The following SENP7 variants were observed in gnomAD, a reference collection of about 807,000 sequenced individuals.
SENP7 encodes sentrin-specific protease 7.
In SENP7, 64 loss-of-function variants were observed where a neutral mutation model predicts 141.2. The observed-to-expected ratio is 0.45, with a 90% confidence interval of 0.37 to 0.56. The LOEUF (loss-of-function observed/expected upper bound fraction) is 0.56, where lower values mean the gene tolerates loss of function less well. SENP7 is among the 20% of genes least tolerant of loss of function. The probability of loss-of-function intolerance (pLI) is 0.00; values close to 1 mark genes in which losing one functional copy is unlikely to be tolerated. For missense variants in SENP7, 1,025 were observed against 1,212.2 expected, an observed-to-expected ratio of 0.85 and a Z score of 2.29; for synonymous variants, 382 against 426.4, an observed-to-expected ratio of 0.90 and a Z score of 1.28.
chr3:101,458,290 TTG>T lies in SENP7; in HGVS notation c.284+663_284+664del, dbSNP rs2063425838. Among the ~76,000 whole-genome samples, 3 of 152,346 alleles carry T rather than the reference TTG, an allele frequency of 2.0e-5. No homozygotes were observed. In the East Asian group the frequency reaches 5.8e-4, roughly 29 times the overall value. On this transcript the variant is annotated intron_variant, in intron 4 of 23. Transcript: ENST00000394095. ...AAGGACCCCAATGAGTCTTCTAAAT[TTG>T]TGTGACTTTCCAATAATTATAATTT...
chr3:101,338,930 T>C (rs1220223246), intron 16 of SENP7, among the ~76,000 whole-genome samples: 1 of 152,114 alleles, frequency 6.6e-6, no homozygotes, highest in Non-Finnish European at 1.5e-5. Flanking sequence ...CAAGCATATT[T>C]ATAAATACAA....
chr3:101,468,754 A>T (rs1334041017), intron 3 of SENP7, among the ~76,000 whole-genome samples: 1 of 152,242 alleles, frequency 6.6e-6, no homozygotes, highest in Admixed American at 6.5e-5. Flanking sequence ...CTGCAAAAAC[A>T]TGCCAAATTG....
intron 5 of SENP7, among the ~76,000 whole-genome samples, chr3:101,406,565 A>G (rs1156827866): frequency 1.3e-5 from 2 of 152,058 alleles, no homozygotes; most frequent in African/African-American, 4.8e-5. Flanking sequence ...CATGTACCCT[A>G]AAACTTAAAG....
At chr3:101,351,088 T>C (rs561349798) in intron 12 of SENP7, among the ~76,000 whole-genome samples, 2 of 151,980 alleles carry the variant, frequency 1.3e-5, no homozygotes, top group Non-Finnish European at 2.9e-5. Context: ...GAATTCATTA[T>C]ATAAATAGAT....
rs1215345709 is a variant in SENP7 at position 101,325,014 on chromosome 3, T to A, written c.*929A>T. 6.6e-6 allele frequency: 1 copy of A among 152,002 alleles called. No homozygotes were observed. Among genetic ancestry groups the A allele is most frequent in the African/African-American group, 2.4e-5 (1 of 41,428 alleles). The allele number at this position is 152,002 out of a possible 1,614,324, so 9.4% of individuals were successfully genotyped here. On this transcript the variant is annotated 3_prime_UTR_variant, in exon 24 of 24. Transcript: ENST00000394095. ...TCTGGCTTTGCAGATGAATACTGGG[T>A]AAACTGAGCTATAAAATTATATATT...
In SENP7 at chr3:101,398,879, C is replaced by T. The variant is rs2061050390; in HGVS notation, c.659G>A (p.Ser220Asn). The change falls in exon 6 of 24, where the codon AGC becomes AAC. Residue 220 changes from serine to asparagine, a missense_variant. This residue lies in a region of SENP7 where 496 missense variants were observed against 503.5 expected (regional missense o/e 0.99). Transcript: ENST00000394095. ...ESYQNLNPHK[S>N]CYLSERGSQR... The stretch of plus-strand genomic sequence containing the variant: ...AACATACCTTTCAGATAAATAACAG[C>T]TCTTGTGAGGGTTTAGATTTTGATA... 6.2e-7 allele frequency: 1 copy of T among 1,600,032 alleles called. No homozygotes were observed. The highest frequency in any genetic ancestry group is 8.5e-7 in the Non-Finnish European group (1 of 1,172,872).
intron 19 of SENP7, among the ~76,000 whole-genome samples, chr3:101,331,547 C>G (rs1010658032): frequency 1.2e-5 from 1 of 80,100 alleles, no homozygotes; most frequent in Non-Finnish European, 2.5e-5. Flanking sequence ...TTAAAACAAG[C>G]AAAAAATGTC....
In SENP7 at chr3:101,457,576, C is replaced by A. The variant is rs893812015; in HGVS notation, c.284+1379G>T. On this transcript the variant is annotated intron_variant, in intron 4 of 23. Transcript: ENST00000394095. ...TCAATACCAAAGATATTGTTTACCCCTAACTTCTTTAAGGAGAACTGAAGT... is the reference window on the plus strand; with the variant it reads ...TCAATACCAAAGATATTGTTTACCCATAACTTCTTTAAGGAGAACTGAAGT... 22 of 1,595,360 alleles carry A rather than the reference C, an allele frequency of 1.4e-5. No individual in the cohort carries two copies. The Admixed American group carries it at 3.3e-4, about 24-fold the overall frequency.
chr3:101,398,013 CACA>C (rs1375438926), intron 6 of SENP7, among the ~76,000 whole-genome samples: 2 of 152,184 alleles, frequency 1.3e-5, no homozygotes, highest in African/African-American at 4.8e-5. Flanking sequence ...CTCTTATTGG[CACA>C]ACAAGCTACA....
At chr3:101,489,528 A>G (rs2064876847) in intron 3 of SENP7, among the ~76,000 whole-genome samples, 1 of 119,268 alleles carries the variant, frequency 8.4e-6, no homozygotes, top group South Asian at 2.9e-4. Context: ...CAGATAAAAT[A>G]GACTTTAAAC....
chr3:101,456,308 A>G (rs1338014395), intron 4 of SENP7, among the ~76,000 whole-genome samples: 5 of 152,294 alleles, frequency 3.3e-5, no homozygotes, highest in Middle Eastern at 3.4e-3. Context: ...CCTGTTGGCT[A>G]CATCACTTTT....
At chr3:101,361,948 A>T (rs2059913543) in intron 10 of SENP7, 87 bp from the exon 11 acceptor site, 1 of 1,374,420 alleles carries the variant, frequency 7.3e-7, no homozygotes, top group Non-Finnish European at 9.8e-7. Context: ...ATTCTTCTTT[A>T]AATTACTATT....
At chr3:101,391,301 T>A (rs2682383) in intron 6 of SENP7, among the ~76,000 whole-genome samples, 47,464 of 150,310 alleles carry the variant, frequency 0.32, 7,981 homozygotes, top group Non-Finnish European at 0.37. Flanking sequence ...TAATAAAAAT[T>A]GTTTTTTAAA....
At chr3:101,340,729 C>T (rs1477085624) in intron 15 of SENP7, among the ~76,000 whole-genome samples, 1 of 152,122 alleles carries the variant, frequency 6.6e-6, no homozygotes, top group African/African-American at 2.4e-5. Context: ...GGAGGCAAGT[C>T]TCCCCATAAA....
chr3:101,413,150 T>C (rs928096670), intron 5 of SENP7, among the ~76,000 whole-genome samples: 1 of 152,130 alleles, frequency 6.6e-6, no homozygotes, highest in Non-Finnish European at 1.5e-5. Context: ...AACTTTAGGA[T>C]AAAATTAAAA....
At chr3:101,499,429 C>T (rs553350680) in intron 2 of SENP7, among the ~76,000 whole-genome samples, 27 of 152,180 alleles carry the variant, frequency 1.8e-4, no homozygotes, top group Non-Finnish European at 2.6e-4. Context: ...AGTGCAATGG[C>T]GCAATCTCGG....
chr3:101,394,906 G>A (rs1374920687), intron 6 of SENP7, among the ~76,000 whole-genome samples: 1 of 152,088 alleles, frequency 6.6e-6, no homozygotes, highest in African/African-American at 2.4e-5. Context: ...AGCAATGCTG[G>A]GCACTGTTCA....
At chr3:101,378,127 T>A (rs898303774) in intron 6 of SENP7, among the ~76,000 whole-genome samples, 1 of 151,592 alleles carries the variant, frequency 6.6e-6, no homozygotes, top group Non-Finnish European at 1.5e-5. Context: ...CAGTAGTTGC[T>A]TTTATCTAGT....
chr3:101,425,765 A>C (rs1400161996), intron 4 of SENP7, among the ~76,000 whole-genome samples: 1 of 152,256 alleles, frequency 6.6e-6, no homozygotes, highest in Non-Finnish European at 1.5e-5. Context: ...TAAGAATCAC[A>C]ATAAAAAAAT....
Sources: gnomAD v4.1 joint callset for allele counts (sites outside exome capture counted in the v4.1 genomes callset) on GRCh38, gnomAD v4.1.1 for gene constraint, gnomAD v4.1.1 regional missense constraint, MANE v1.5 for transcripts, NCBI Gene and HGNC (gene_info 2026-07-23, HGNC 2026-07-21) for gene names.